Variants in KCNMA1 observed in about 807,000 individuals in gnomAD.
KCNMA1 encodes Calcium-activated potassium channel subunit alpha-1.
Under a neutral mutation model 140.0 loss-of-function variants are expected in KCNMA1, and 29 were observed. The ratio of observed to expected loss-of-function variants is 0.21; its 90% CI spans 0.15 to 0.28. KCNMA1 has a LOEUF of 0.28. Ranked by LOEUF, KCNMA1 falls within the 10% of genes least tolerant of loss-of-function variation. KCNMA1 has a pLI of 1.00. For missense variants in KCNMA1, 880 were observed against 1,602.2 expected (o/e 0.55, Z 7.70); for synonymous variants, 612 against 611.9 (o/e 1.00, Z 0.00).
intron 25 of KCNMA1, among the ~76,000 whole-genome samples, chr10:76,908,215 C>T (rs879756944): frequency 5.9e-5 from 9 of 152,184 alleles, no homozygotes; most frequent in Non-Finnish European, 1.2e-4. Flanking sequence ...CATCTTGAGG[C>T]TTCTATCATT....
chr10:77,151,099 C>A (rs1317121463), intron 5 of KCNMA1, among the ~76,000 whole-genome samples: 1 of 151,814 alleles, frequency 6.6e-6, no homozygotes, highest in African/African-American at 2.4e-5. Flanking sequence ...CTTTCTCTCT[C>A]TCTCTTTTCT....
At chr10:77,021,564 T>C (rs1006080410) in intron 16 of KCNMA1, among the ~76,000 whole-genome samples, 1 of 152,242 alleles carries the variant, frequency 6.6e-6, no homozygotes, top group Non-Finnish European at 1.5e-5. Flanking sequence ...AAGCATTTTA[T>C]CCCTGCACAA....
Position 76,923,918 on chromosome 10 carries a change from T to G in KCNMA1, c.2903-8869A>C, listed in dbSNP as rs898733888. Among the ~76,000 whole-genome samples, 13 of 152,098 alleles carry G rather than the reference T, an allele frequency of 8.5e-5. 1 individual carries two copies. Among genetic ancestry groups the G allele is most frequent in the Admixed American group, 7.9e-4 (12 of 15,264 alleles). ...TACTTGGGAGGCTGACGTGGGAGGA[T>G]TGCTTGAGCCAGGGAGGCAGAGGTT... On this transcript the variant is annotated intron_variant, in intron 23 of 27. Coordinates refer to ENST00000286628, the MANE Select transcript of KCNMA1 (RefSeq NM_001161352.2).
intron 1 of KCNMA1, among the ~76,000 whole-genome samples, chr10:77,521,634 A>G (rs975072700): frequency 7.2e-5 from 11 of 152,226 alleles, no homozygotes; most frequent in African/African-American, 2.7e-4. Context: ...ATAAATATCT[A>G]AGGCACATAG....
At chr10:77,307,901 G>A (rs1280776919) in intron 2 of KCNMA1, among the ~76,000 whole-genome samples, 3 of 152,176 alleles carry the variant, frequency 2.0e-5, no homozygotes, top group Non-Finnish European at 4.4e-5. Context: ...CTATCAGGAT[G>A]TAACACCATT....
intron 3 of KCNMA1, among the ~76,000 whole-genome samples, chr10:77,222,218 G>C (rs937319932): frequency 6.6e-6 from 1 of 152,180 alleles, no homozygotes; most frequent in African/African-American, 2.4e-5. Context: ...GTACTACAAA[G>C]ACAATCAGAT....
At chr10:77,586,996 T>C (rs924586419) in intron 1 of KCNMA1, 4 of 152,232 alleles carry the variant, frequency 2.6e-5, no homozygotes, top group Non-Finnish European at 1.5e-5. Context: ...GTACGTGCTG[T>C]CTTCTCCCTG....
At chr10:77,365,368 G>C (rs745574894) in intron 2 of KCNMA1, among the ~76,000 whole-genome samples, 56 of 152,218 alleles carry the variant, frequency 3.7e-4, no homozygotes, top group Non-Finnish European at 6.3e-4. Context: ...GGGACCTTCT[G>C]AAGAGGAGGC....
chr10:77,239,761 A>G (rs191908112), intron 3 of KCNMA1, among the ~76,000 whole-genome samples: 415 of 152,286 alleles, frequency 2.7e-3, no homozygotes, highest in Non-Finnish European at 4.9e-3. Context: ...TAGACTTGGG[A>G]CCATGTCTCA....
Position 77,543,432 on chromosome 10 carries a change from T to TA in KCNMA1, c.378+93832dup, listed in dbSNP as rs928536723. ...CTACCCAAGTTAAACATATGCAAGA[T>TA]AAAAAAAATATGGCACTTGTGAACA... On this transcript the variant is annotated intron_variant, in intron 1 of 27. Coordinates refer to ENST00000286628, the MANE Select transcript of KCNMA1 (RefSeq NM_001161352.2). Among the ~76,000 whole-genome samples, 20 of 151,616 alleles carry TA rather than the reference T, an allele frequency of 1.3e-4. No individual in the cohort carries two copies. In the East Asian group the frequency reaches 1.7e-3, roughly 13 times the overall value.
intron 17 of KCNMA1, among the ~76,000 whole-genome samples, chr10:77,014,187 G>T (rs1183130832): frequency 6.6e-6 from 1 of 152,110 alleles, no homozygotes; most frequent in Non-Finnish European, 1.5e-5. Context: ...CAACACTTTG[G>T]GAGGCTGATG....
At chr10:77,345,892 C>T (rs1198466108) in intron 2 of KCNMA1, among the ~76,000 whole-genome samples, 3 of 152,166 alleles carry the variant, frequency 2.0e-5, no homozygotes, top group Admixed American at 6.5e-5. Flanking sequence ...CTCCTACCTA[C>T]CTTGGCCTTG....
At chr10:77,156,873 A>T (rs886245706) in intron 5 of KCNMA1, among the ~76,000 whole-genome samples, 3 of 152,042 alleles carry the variant, frequency 2.0e-5, no homozygotes, top group Non-Finnish European at 4.4e-5. Context: ...TGTTTTCCAT[A>T]CGCTTGTGGT....
chr10:77,512,266 T>TA (rs988298844), intron 1 of KCNMA1, among the ~76,000 whole-genome samples: 9 of 152,320 alleles, frequency 5.9e-5, no homozygotes, highest in African/African-American at 2.2e-4. Flanking sequence ...TCCTTTTCCC[T>TA]AATTAGGACT....
intron 2 of KCNMA1, among the ~76,000 whole-genome samples, chr10:77,386,501 T>C (rs1180745476): frequency 6.6e-6 from 1 of 152,182 alleles, no homozygotes; most frequent in Non-Finnish European, 1.5e-5. Context: ...AAATTCTCTA[T>C]CCAGTCGTAG....
intron 5 of KCNMA1, among the ~76,000 whole-genome samples, chr10:77,165,958 G>A (rs952981406): frequency 6.6e-6 from 1 of 152,138 alleles, no homozygotes; most frequent in African/African-American, 2.4e-5. Context: ...TTTCAGAACA[G>A]TCTGGGGAAA....
intron 9 of KCNMA1, among the ~76,000 whole-genome samples, chr10:77,099,079 T>C (rs527961768): frequency 6.6e-6 from 1 of 152,178 alleles, no homozygotes; most frequent in Non-Finnish European, 1.5e-5. Flanking sequence ...ATGCTGCTTC[T>C]GTACAAGCAG....
chr10:77,096,431 C>G (rs2096934108), intron 9 of KCNMA1, among the ~76,000 whole-genome samples: 1 of 152,296 alleles, frequency 6.6e-6, no homozygotes, highest in East Asian at 1.9e-4. Flanking sequence ...TCCCTATTTA[C>G]TGTCCCCACT....
intron 1 of KCNMA1, among the ~76,000 whole-genome samples, chr10:77,472,258 C>T (rs1232662147): frequency 6.6e-6 from 1 of 151,308 alleles, no homozygotes; most frequent in Non-Finnish European, 1.5e-5. Flanking sequence ...GACACATACA[C>T]ATAGCACACC....
Sources: gnomAD v4.1 joint callset for allele counts (sites outside exome capture counted in the v4.1 genomes callset) on GRCh38, gnomAD v4.1.1 for gene constraint, MANE v1.5 for transcripts, NCBI Gene and HGNC (gene_info 2026-07-23, HGNC 2026-07-21) for gene names.